MICU1: variants seen among roughly 807,000 people sequenced by gnomAD.
MICU1 encodes mitochondrial calcium uptake 1, also known as calcium uptake protein 1, mitochondrial.
In MICU1, 45 loss-of-function variants were observed where a neutral mutation model predicts 56.8. The observed-to-expected ratio is 0.79, with a 90% CI of 0.62 to 1.02. The LOEUF (loss-of-function observed/expected upper bound fraction) is 1.02. Among genes scored for constraint, MICU1 ranks in the 50% least tolerant of loss-of-function variants. The pLI, the probability that MICU1 is intolerant of heterozygous loss-of-function variation, is 0.00. For synonymous variants in MICU1, 186 were observed against 195.1 expected (o/e 0.95, Z 0.39); for missense variants, 504 against 587.1 (o/e 0.86, Z 1.46).
intron 2 of MICU1, among the ~76,000 whole-genome samples, chr10:72,566,008 A>AAATTG (rs1488346736): frequency 6.6e-6 from 1 of 151,680 alleles, no homozygotes; most frequent in Non-Finnish European, 1.5e-5. Flanking sequence ...CAGGGTCACC[A>AAATTG]AATTGTGAAG....
intron 7 of MICU1, among the ~76,000 whole-genome samples, chr10:72,475,610 A>G (rs879387351): frequency 3.3e-5 from 5 of 151,996 alleles, no homozygotes; most frequent in Admixed American, 1.3e-4. Flanking sequence ...TTGTATTTTA[A>G]TAGAGACAGG....
At chr10:72,482,587 T>C (rs1866335414) in intron 6 of MICU1, among the ~76,000 whole-genome samples, 3 of 152,124 alleles carry the variant, frequency 2.0e-5, no homozygotes, top group Admixed American at 2.0e-4. Flanking sequence ...TTAAATGAGC[T>C]GTTTTTTTTC....
chr10:72,569,102 A>C (rs1840523336), intron 1 of MICU1, among the ~76,000 whole-genome samples: 2 of 149,880 alleles, frequency 1.3e-5, no homozygotes, highest in Non-Finnish European at 1.5e-5. Context: ...CTGTATATAC[A>C]TCCCTATGTG....
chr10:72,494,334 C>T (rs551656587), intron 6 of MICU1, among the ~76,000 whole-genome samples: 1 of 152,266 alleles, frequency 6.6e-6, no homozygotes, highest in African/African-American at 2.4e-5. Context: ...AGTTAAGCTG[C>T]AGTTTCTGGC....
intron 5 of MICU1, among the ~76,000 whole-genome samples, chr10:72,527,029 A>T (rs977942352): frequency 3.3e-5 from 5 of 152,094 alleles, no homozygotes; most frequent in Non-Finnish European, 7.4e-5. Flanking sequence ...TAAAATTGAT[A>T]TTCTGATTTT....
At position 72,475,261 on chromosome 10, in the gene MICU1, T is replaced by C. The variant is rs1002848820; in HGVS notation, c.772A>G (p.Met258Val). 8.7e-6 allele frequency: 14 copies of C among 1,609,110 alleles called. No homozygotes were observed. Among genetic ancestry groups the C allele is most frequent in the East Asian group, 4.5e-5 (2 of 44,818 alleles). Residue 258 changes from methionine to valine, a missense_variant, in exon 8 of 12, where the codon ATG becomes GTG. Coordinates refer to ENST00000361114, the MANE Select transcript of MICU1 (RefSeq NM_001195518.2). ...SIIRSQTSMG[M>V]RHRDRPTTGN... ...GTAGTTGGACGATCTCTGTGGCGCA[T>C]ACCCATACTGGTTTGGGAGCGAATG...
At chr10:72,601,577 T>C (rs1245803761) in intron 1 of MICU1, among the ~76,000 whole-genome samples, 2 of 152,086 alleles carry the variant, frequency 1.3e-5, no homozygotes, top group Admixed American at 1.3e-4. Context: ...CCCAGGTTCA[T>C]GGCTGAGGCC....
chr10:72,456,852 TG>T (rs1865476799), intron 8 of MICU1, among the ~76,000 whole-genome samples: 1 of 12,084 alleles, frequency 8.3e-5, no homozygotes, highest in Non-Finnish European at 2.3e-4. Context: ...GCTCATTTTG[TG>T]TGTGTGTGTG....
chr10:72,486,376 G>T (rs1470216123), intron 6 of MICU1, among the ~76,000 whole-genome samples: 1 of 152,184 alleles, frequency 6.6e-6, no homozygotes, highest in Admixed American at 6.5e-5. Flanking sequence ...AGGACAAACT[G>T]ACTAACATTA....
chr10:72,420,220 G>A (rs572398068), intron 9 of MICU1, among the ~76,000 whole-genome samples: 28 of 151,886 alleles, frequency 1.8e-4, no homozygotes, highest in Non-Finnish European at 3.8e-4. Context: ...CCACCACGCC[G>A]GGCTAACTTT....
At chr10:72,544,278 G>C (rs189515879) in intron 4 of MICU1, among the ~76,000 whole-genome samples, 3 of 152,252 alleles carry the variant, frequency 2.0e-5, no homozygotes, top group Non-Finnish European at 4.4e-5. Context: ...TTTTGGAGAC[G>C]TGAGTCTTGC....
chr10:72,502,035 C>T (rs1867085140), intron 6 of MICU1, among the ~76,000 whole-genome samples: 1 of 151,836 alleles, frequency 6.6e-6, no homozygotes. Flanking sequence ...CATAGTAGTT[C>T]ATAAGCTACT....
At chr10:72,474,535 A>G (rs1157764150) in intron 8 of MICU1, among the ~76,000 whole-genome samples, 1 of 152,156 alleles carries the variant, frequency 6.6e-6, no homozygotes, top group African/African-American at 2.4e-5. Flanking sequence ...GCCTTAAACA[A>G]TTAAAGAGAC....
At chr10:72,559,843 C>T (rs1467159843) in intron 3 of MICU1, among the ~76,000 whole-genome samples, 8 of 152,240 alleles carry the variant, frequency 5.3e-5, no homozygotes, top group Admixed American at 6.5e-5. Context: ...GGAACATGAC[C>T]GACTAAGCTC....
At chr10:72,426,885 T>C (rs1864363763) in intron 8 of MICU1, among the ~76,000 whole-genome samples, 1 of 152,184 alleles carries the variant, frequency 6.6e-6, no homozygotes. Flanking sequence ...GAGGATCTTT[T>C]GAGGAAAGAC....
intron 10 of MICU1, among the ~76,000 whole-genome samples, chr10:72,398,434 T>C (rs1863338764): frequency 6.7e-6 from 1 of 148,348 alleles, no homozygotes; most frequent in Non-Finnish European, 1.5e-5. Flanking sequence ...AAGAAATAAC[T>C]AAGATCAGAG....
chr10:72,588,584 A>G (rs1841132787), intron 1 of MICU1, among the ~76,000 whole-genome samples: 1 of 152,244 alleles, frequency 6.6e-6, no homozygotes, highest in African/African-American at 2.4e-5. Context: ...AACAAAACTC[A>G]GTTAGACATA....
intron 1 of MICU1, among the ~76,000 whole-genome samples, chr10:72,572,112 A>T (rs1027083179): frequency 6.6e-6 from 1 of 152,060 alleles, no homozygotes; most frequent in Non-Finnish European, 1.5e-5. Context: ...TATACTAAAG[A>T]AGCTCATCCC....
intron 3 of MICU1, among the ~76,000 whole-genome samples, chr10:72,554,181 A>T (rs1223636423): frequency 6.6e-6 from 1 of 152,234 alleles, no homozygotes; most frequent in Non-Finnish European, 1.5e-5. Context: ...CAAATAGCAG[A>T]TGAGGGACAG....
Sources: gnomAD v4.1 joint callset for allele counts (sites outside exome capture counted in the v4.1 genomes callset) on GRCh38, gnomAD v4.1.1 for gene constraint, MANE v1.5 for transcripts, NCBI Gene and HGNC (gene_info 2026-07-23, HGNC 2026-07-21) for gene names.